Variants in ST7L observed in about 807,000 individuals in gnomAD.
ST7L encodes the protein suppressor of tumorigenicity 7 protein-like.
ST7L carries 57 observed loss-of-function variants against 72.5 expected under a neutral mutation model. The ratio of observed to expected loss-of-function variants is 0.79; its 90% CI spans 0.64 to 0.98. The LOEUF (loss-of-function observed/expected upper bound fraction) is 0.98, where lower values mean the gene tolerates loss of function less well. Among genes scored for constraint, ST7L ranks in the 50% least tolerant of loss-of-function variants. ST7L has a pLI of 0.00. For missense variants in ST7L, 576 were observed against 672.2 expected, an observed-to-expected ratio of 0.86 and a Z score of 1.58; for synonymous variants, 221 against 240.9, an observed-to-expected ratio of 0.92 and a Z score of 0.77.
intron 1 of ST7L, chr1:112,617,978 A>C (rs1363633055): frequency 3.1e-6 from 4 of 1,303,688 alleles, no homozygotes; most frequent in Non-Finnish European, 4.0e-6. Flanking sequence ...CCTCCAAAAA[A>C]ACCAAAATAT....
intron 14 of ST7L, chr1:112,540,925 A>C (rs1257963666): frequency 1.8e-6 from 2 of 1,086,256 alleles, no homozygotes; most frequent in Admixed American, 2.5e-5. Flanking sequence ...AAAGGCTTGG[A>C]GACTTAAAGG....
chr1:112,540,967 G>C, intron 14 of ST7L: 1 of 743,704 alleles, frequency 1.3e-6, no homozygotes, highest in Non-Finnish European at 2.0e-6. Context: ...CTTTGAGCCA[G>C]TGACATTAAT....
At chr1:112,551,198 G>C (rs1420738501) in intron 12 of ST7L, among the ~76,000 whole-genome samples, 1 of 140,120 alleles carries the variant, frequency 7.1e-6, no homozygotes, top group Non-Finnish European at 1.5e-5. Flanking sequence ...GCCCAGGCTG[G>C]AGTGCAGTGG....
intron 14 of ST7L, among the ~76,000 whole-genome samples, chr1:112,535,390 A>C (rs1470155752): frequency 1.3e-5 from 2 of 149,056 alleles, no homozygotes; most frequent in South Asian, 2.2e-4. Context: ...AATACTAATA[A>C]TAATAAGAAG....
downstream of ST7L, chr1:112,523,139 A>G (rs543239284): frequency 1.3e-5 from 2 of 152,364 alleles, no homozygotes; most frequent in South Asian, 4.1e-4. Context: ...AACCTGACTT[A>G]AATCTACCTA....
chr1:112,619,044 T>G lies in ST7L; in HGVS notation c.70A>C (p.Asn24His). Residue 24 changes from asparagine (N) to histidine (H), a missense_variant, in exon 1 of 15, where the codon AAC becomes CAC. By Grantham distance (68) the Asn-to-His change is moderately conservative (BLOSUM62 1). Around this residue, in one of 3 missense-constraint regions of ST7L, gnomAD observed 56 missense variants for 45.8 expected, o/e 1.22. Coordinates refer to ENST00000358039, the MANE Select transcript of ST7L (RefSeq NM_017744.5). ...CGCTCCCTCCAGCCTAGCGTCGGGT[T>G]TAGGCCAGGGACAGATGCAGGAGAC... Reference protein sequence around the residue: ...GASPASVPGLNPTLGWRERLR... With the variant: ...GASPASVPGLHPTLGWRERLR... 6.2e-7 allele frequency: 1 copy of G among 1,613,896 alleles called. No homozygotes were observed.
chr1:112,578,239 AGAAG>A lies in ST7L; in HGVS notation c.1142+102_1142+105del, dbSNP rs1390048286. 1.2e-5 allele frequency: 13 copies of A among 1,122,998 alleles called. No homozygotes were observed. In the Admixed American group the frequency reaches 2.0e-4, roughly 17 times the overall value. 69.6% of individuals were successfully genotyped at this position (1,122,998 alleles called of 1,614,324 possible). ...AGCCCAAGAAGATCCAGGGCTATTC[AGAAG>A]GAAGTAGAGTGGAAAACAGCATTGT... On this transcript the variant is annotated intron_variant, in intron 10 of 14. Coordinates refer to ENST00000358039, the MANE Select transcript of ST7L (RefSeq NM_017744.5).
chr1:112,597,279 A>G (rs1327293472), intron 5 of ST7L, among the ~76,000 whole-genome samples: 2 of 152,182 alleles, frequency 1.3e-5, no homozygotes, highest in Admixed American at 1.3e-4. Flanking sequence ...CATCAGATAG[A>G]TAAGGAGGGT....
At chr1:112,615,947 G>T (rs1429356683) in intron 2 of ST7L, among the ~76,000 whole-genome samples, 1 of 152,076 alleles carries the variant, frequency 6.6e-6, no homozygotes, top group East Asian at 1.9e-4. Flanking sequence ...ATGTTGGCCA[G>T]GCTGTTCTTG....
At chr1:112,592,067 C>T (rs933358162) in intron 5 of ST7L, among the ~76,000 whole-genome samples, 2 of 150,964 alleles carry the variant, frequency 1.3e-5, no homozygotes, top group African/African-American at 4.9e-5. Flanking sequence ...AATGTACGGG[C>T]TTGCGTTTTG....
At chr1:112,611,078 A>G in intron 2 of ST7L, 75 bp from the exon 3 acceptor site, 3 of 1,458,060 alleles carry the variant, frequency 2.1e-6, no homozygotes, top group Non-Finnish European at 2.8e-6. Context: ...ACATTCTCTC[A>G]AGATGTCCTG....
intron 11 of ST7L, among the ~76,000 whole-genome samples, chr1:112,563,498 C>T (rs1401095057): frequency 6.6e-6 from 1 of 152,152 alleles, no homozygotes; most frequent in African/African-American, 2.4e-5. Flanking sequence ...GCTGAGGACA[C>T]AAACCAAAGC....
intron 11 of ST7L, among the ~76,000 whole-genome samples, chr1:112,567,815 TTTTG>T (rs1661291310): frequency 6.6e-6 from 1 of 152,168 alleles, no homozygotes; most frequent in Admixed American, 6.5e-5. Flanking sequence ...CATTCTGTGA[TTTTG>T]TTTTTTATAG....
At chr1:112,615,235 C>T (rs1008834605) in intron 2 of ST7L, among the ~76,000 whole-genome samples, 8 of 152,070 alleles carry the variant, frequency 5.3e-5, no homozygotes, top group African/African-American at 1.9e-4. Flanking sequence ...CACCCCACCT[C>T]GGTCTCCCAA....
downstream of ST7L, chr1:112,521,403 AAGAT>A (rs897912358): frequency 3.4e-4 from 52 of 151,974 alleles, no homozygotes; most frequent in African/African-American, 1.3e-3. Flanking sequence ...GAGTAAAAGA[AAGAT>A]AGGCAACTCA....
At chr1:112,546,269 T>A (rs1018613927) in intron 13 of ST7L, among the ~76,000 whole-genome samples, 1 of 140,852 alleles carries the variant, frequency 7.1e-6, no homozygotes, top group African/African-American at 2.7e-5. Flanking sequence ...CAGTGAGCCG[T>A]GACTGCACCA....
chr1:112,592,986 C>T (rs1456816336), intron 5 of ST7L, among the ~76,000 whole-genome samples: 1 of 152,040 alleles, frequency 6.6e-6, no homozygotes, highest in Admixed American at 6.6e-5. Context: ...CCCCAAATTC[C>T]ACAATAAGAC....
intron 11 of ST7L, among the ~76,000 whole-genome samples, chr1:112,556,966 C>CAAAAAAAAAAAAAAAAAAAAAAAA (rs60106072): frequency 2.6e-4 from 13 of 49,530 alleles, no homozygotes; most frequent in South Asian, 8.3e-4. Flanking sequence ...GACTCTGTCT[C>CAAAAAAAAAAAAAAAAAAAAAAAA]AAAAAAAAAA....
chr1:112,570,643 TGAA>T (rs748286213), intron 11 of ST7L: 5 of 417,880 alleles, frequency 1.2e-5, no homozygotes, highest in South Asian at 9.0e-5. Context: ...AATTGAAGTG[TGAA>T]GAAGAAAACC....
Sources: gnomAD v4.1 joint callset for allele counts (sites outside exome capture counted in the v4.1 genomes callset) on GRCh38, gnomAD v4.1.1 for gene constraint, gnomAD v4.1.1 regional missense constraint, MANE v1.5 for transcripts, NCBI Gene and HGNC (gene_info 2026-07-23, HGNC 2026-07-21) for gene names.